MYO1D: variants seen among roughly 807,000 people sequenced by gnomAD.
MYO1D encodes myosin ID.
A neutral mutation model predicts 122.0 loss-of-function variants in MYO1D; 83 were observed. The ratio of observed to expected loss-of-function variants is 0.68; its 90% confidence interval spans 0.57 to 0.82. MYO1D has a LOEUF of 0.82. Ranked by LOEUF, MYO1D falls within the 40% of genes least tolerant of loss-of-function variation. The probability of loss-of-function intolerance (pLI) is 0.00; values close to 1 mark genes in which losing one functional copy is unlikely to be tolerated. For missense variants in MYO1D, 1,157 were observed against 1,269.5 expected (o/e 0.91, Z 1.35); for synonymous variants, 464 against 446.9 (o/e 1.04, Z -0.48).
At chr17:32,747,643 C>G (rs577307404) in intron 12 of MYO1D, among the ~76,000 whole-genome samples, 152 of 152,140 alleles carry the variant, frequency 1.0e-3, no homozygotes, top group African/African-American at 3.4e-3. Context: ...TCGAAACCAG[C>G]CTGGCCAACA....
intron 1 of MYO1D, among the ~76,000 whole-genome samples, chr17:32,809,698 C>A (rs563469306): frequency 6.6e-6 from 1 of 152,306 alleles, no homozygotes; most frequent in East Asian, 1.9e-4. Context: ...CTTGGCCTCC[C>A]AAAGTGCTGG....
Position 32,844,419 on chromosome 17 carries a change from A to T in MYO1D, c.95+32359T>A, listed in dbSNP as rs983505925. On this transcript the variant is annotated intron_variant, in intron 1 of 21. Coordinates refer to ENST00000318217, the MANE Select transcript of MYO1D (RefSeq NM_015194.3). Reference sequence around the variant, plus strand: ...ATATAATATGTATATATGTGTATATATACTATATATAATATGTATATATAT... The same window carrying T: ...ATATAATATGTATATATGTGTATATTTACTATATATAATATGTATATATAT... Among the ~76,000 whole-genome samples the T allele has an allele frequency of 3.4e-5, 5 of 147,224 alleles. No homozygotes were observed. The East Asian group carries it at 9.7e-4, about 29-fold the overall frequency.
intron 17 of MYO1D, among the ~76,000 whole-genome samples, chr17:32,656,816 C>T (rs1459400652): frequency 1.3e-5 from 2 of 152,312 alleles, no homozygotes; most frequent in East Asian, 1.9e-4. Context: ...AGCAACTTCT[C>T]GAATCAGCCC....
intron 1 of MYO1D, among the ~76,000 whole-genome samples, chr17:32,842,238 T>C (rs2090889979): frequency 6.6e-6 from 1 of 151,562 alleles, no homozygotes; most frequent in Non-Finnish European, 1.5e-5. Flanking sequence ...GGACTGAGAG[T>C]TGTGGGTCTG....
At chr17:32,849,622 A>G (rs2090968107) in intron 1 of MYO1D, among the ~76,000 whole-genome samples, 1 of 150,272 alleles carries the variant, frequency 6.7e-6, no homozygotes, top group Non-Finnish European at 1.5e-5. Context: ...ATGAGATCAC[A>G]TGGACACAGG....
intron 21 of MYO1D, among the ~76,000 whole-genome samples, chr17:32,580,373 G>A (rs9892931): frequency 1.3e-5 from 1 of 76,894 alleles, no homozygotes. Context: ...CAACCACTGA[G>A]ATTGTTTTTT....
At chr17:32,752,373 G>T (rs908832033) in intron 11 of MYO1D, among the ~76,000 whole-genome samples, 29 of 152,134 alleles carry the variant, frequency 1.9e-4, no homozygotes, top group African/African-American at 6.8e-4. Context: ...CCTAGGCAAA[G>T]AATTTATGAC....
chr17:32,789,267 T>C (rs1406262416), intron 1 of MYO1D, among the ~76,000 whole-genome samples: 1 of 152,202 alleles, frequency 6.6e-6, no homozygotes, highest in African/African-American at 2.4e-5. Context: ...TTTCTTTCTC[T>C]TGTCTGATTG....
chr17:32,492,952 C>T lies in MYO1D; in HGVS notation c.*1807G>A, dbSNP rs1276299776. On this transcript the variant is annotated 3_prime_UTR_variant, in exon 22 of 22. Transcript: ENST00000318217. ...CATCCAAAGGCTGGGAGGAAAGAAC[C>T]CAAACCCAGGCCCTCCTCCTGCCCT... 2 of 152,618 alleles carry T rather than the reference C, an allele frequency of 1.3e-5. No homozygotes were observed. The highest frequency in any genetic ancestry group is 2.4e-5 in the African/African-American group (1 of 41,442). The allele number at this position is 152,618 out of a possible 1,614,324, so 9.5% of individuals were successfully genotyped here.
intron 20 of MYO1D, among the ~76,000 whole-genome samples, chr17:32,612,527 A>G (rs1167159064): frequency 6.6e-6 from 1 of 151,770 alleles, no homozygotes; most frequent in Non-Finnish European, 1.5e-5. Context: ...AGCTAAAAAA[A>G]AAATTAGCTG....
At chr17:32,581,612 A>C (rs2087340712) in intron 21 of MYO1D, among the ~76,000 whole-genome samples, 1 of 143,332 alleles carries the variant, frequency 7.0e-6, no homozygotes, top group African/African-American at 2.6e-5. Flanking sequence ...CACTTTGGCT[A>C]CCCTGGCTAG....
intron 21 of MYO1D, among the ~76,000 whole-genome samples, chr17:32,598,895 C>CA (rs1219881619): frequency 6.6e-6 from 1 of 152,086 alleles, no homozygotes; most frequent in Non-Finnish European, 1.5e-5. Context: ...TAAAGAAGAA[C>CA]AAAAAATGCT....
chr17:32,675,979 T>TA (rs2088803085), intron 16 of MYO1D, among the ~76,000 whole-genome samples: 1 of 152,222 alleles, frequency 6.6e-6, no homozygotes, highest in South Asian at 2.1e-4. Flanking sequence ...GATGTGATTC[T>TA]AAGCATCCTT....
intron 1 of MYO1D, among the ~76,000 whole-genome samples, chr17:32,793,893 A>C (rs1324542769): frequency 6.6e-6 from 1 of 152,248 alleles, no homozygotes; most frequent in Non-Finnish European, 1.5e-5. Flanking sequence ...GATACTCTGC[A>C]TAAAGTGCTC....
intron 16 of MYO1D, among the ~76,000 whole-genome samples, chr17:32,664,606 C>G (rs765041526): frequency 6.6e-6 from 1 of 152,196 alleles, no homozygotes; most frequent in African/African-American, 2.4e-5. Context: ...GAAGGACACA[C>G]ACTGGGACCT....
chr17:32,840,626 A>G (rs1464919034), intron 1 of MYO1D, among the ~76,000 whole-genome samples: 1 of 152,136 alleles, frequency 6.6e-6, no homozygotes, highest in African/African-American at 2.4e-5. Flanking sequence ...CTTTCCCCTC[A>G]TTCTTCTCTA....
At position 32,672,792 on chromosome 17, in the gene MYO1D, A is replaced by G. The variant is rs185615503; in HGVS notation, c.2122-13454T>C. Among the ~76,000 whole-genome samples, 157 of 152,178 alleles carry G rather than the reference A, an allele frequency of 1.0e-3. 1 individual carries two copies. The highest frequency in any genetic ancestry group is 3.6e-3 in the African/African-American group (148 of 41,508). On this transcript the variant is annotated intron_variant, in intron 16 of 21. Coordinates refer to ENST00000318217, the MANE Select transcript of MYO1D (RefSeq NM_015194.3). ...ATCATAAAGTGTTGAATTGAGTGTGATCTCTAATGGCATCAGCACAGTTTT... is the reference window on the plus strand; with the variant it reads ...ATCATAAAGTGTTGAATTGAGTGTGGTCTCTAATGGCATCAGCACAGTTTT...
intron 21 of MYO1D, among the ~76,000 whole-genome samples, chr17:32,596,860 G>A (rs1037047875): frequency 1.3e-5 from 2 of 152,344 alleles, no homozygotes; most frequent in African/African-American, 4.8e-5. Flanking sequence ...GGCAGCCAAC[G>A]TGAGACCATC....
chr17:32,506,350 C>T (rs1396285841), intron 21 of MYO1D, among the ~76,000 whole-genome samples: 1 of 152,098 alleles, frequency 6.6e-6, no homozygotes, highest in African/African-American at 2.4e-5. Context: ...GGGTGGTGGT[C>T]CCAGGAAAGC....
Sources: allele counts gnomAD v4.1 joint callset (sites outside exome capture counted in the v4.1 genomes callset), GRCh38; gene constraint gnomAD v4.1.1; transcripts MANE v1.5; gene names NCBI Gene and HGNC (gene_info 2026-07-23, HGNC 2026-07-21).